Variants in TRPM3 observed in about 807,000 individuals in gnomAD.
The protein encoded by TRPM3 is transient receptor potential cation channel subfamily M member 3.
In TRPM3, 77 loss-of-function variants were observed where a neutral mutation model predicts 181.2. The ratio of observed to expected loss-of-function variants is 0.42; its 90% CI spans 0.35 to 0.51. The LOEUF is 0.51. Among genes scored for constraint, TRPM3 ranks in the 20% least tolerant of loss-of-function variants. The probability of loss-of-function intolerance (pLI) is 0.01; values close to 1 mark genes in which losing one functional copy is unlikely to be tolerated. For missense variants in TRPM3, 1,759 were observed against 2,196.7 expected (o/e 0.80, Z 3.98); for synonymous variants, 745 against 796.4 (o/e 0.94, Z 1.09).
intron 9 of TRPM3, among the ~76,000 whole-genome samples, chr9:70,676,106 C>T (rs566009701): frequency 2.6e-5 from 4 of 152,288 alleles, no homozygotes; most frequent in Admixed American, 6.5e-5. Flanking sequence ...ATTGTTTTGG[C>T]ACTCTCTTTT....
intron 5 of TRPM3, among the ~76,000 whole-genome samples, chr9:70,829,077 T>C (rs1386068028): frequency 6.6e-6 from 1 of 152,198 alleles, no homozygotes; most frequent in East Asian, 1.9e-4. Context: ...AGTACAGCTA[T>C]CACTGTATTG....
In TRPM3 at chr9:70,650,253, C is replaced by G. The variant is rs141164658; in HGVS notation, c.1346-9593G>C. On this transcript the variant is annotated intron_variant, in intron 9 of 25. Coordinates refer to ENST00000677713, the MANE Select transcript of TRPM3 (RefSeq NM_001366145.2). ...TGATGAAATGATTTGTACACAAAAC[C>G]ACAGGGGCATGCAATTTGCCCATGT... Among the ~76,000 whole-genome samples, 6 of 152,182 alleles carry G rather than the reference C, an allele frequency of 3.9e-5. No individual in the cohort carries two copies. In the East Asian group the frequency reaches 1.2e-3, roughly 29 times the overall value.
At chr9:70,830,787 C>T (rs969163307) in intron 5 of TRPM3, among the ~76,000 whole-genome samples, 1 of 152,168 alleles carries the variant, frequency 6.6e-6, no homozygotes, top group African/African-American at 2.4e-5. Flanking sequence ...CCACTTACCT[C>T]TTGGGGATTA....
At chr9:70,918,797 A>G (rs1236380777) in intron 1 of TRPM3, among the ~76,000 whole-genome samples, 2 of 152,210 alleles carry the variant, frequency 1.3e-5, no homozygotes, top group South Asian at 2.1e-4. Flanking sequence ...CTTGAAACGA[A>G]CAATACAAAA....
chr9:70,970,478 G>A (rs1255937220), intron 1 of TRPM3, among the ~76,000 whole-genome samples: 1 of 152,068 alleles, frequency 6.6e-6, no homozygotes, highest in African/African-American at 2.4e-5. Flanking sequence ...GGACAGACTT[G>A]GTACAGCGAT....
chr9:70,883,151 C>T (rs1392159521), intron 1 of TRPM3, among the ~76,000 whole-genome samples: 1 of 152,124 alleles, frequency 6.6e-6, no homozygotes, highest in Non-Finnish European at 1.5e-5. Context: ...CCACACGTGG[C>T]CATTTTTACA....
At chr9:71,298,641 T>G (rs2086505724) in intron 1 of TRPM3, among the ~76,000 whole-genome samples, 1 of 152,094 alleles carries the variant, frequency 6.6e-6, no homozygotes, top group South Asian at 2.1e-4. Context: ...TCCAAACAGA[T>G]GCCCCATCAC....
intron 1 of TRPM3, among the ~76,000 whole-genome samples, chr9:71,171,848 A>G (rs1435346284): frequency 6.6e-6 from 1 of 151,956 alleles, no homozygotes; most frequent in Admixed American, 6.6e-5. Context: ...GATTGGCACC[A>G]CATAAGGCTT....
chr9:71,308,923 A>G (rs1422939660), intron 1 of TRPM3, among the ~76,000 whole-genome samples: 2 of 152,128 alleles, frequency 1.3e-5, no homozygotes, highest in Non-Finnish European at 1.5e-5. Flanking sequence ...TCTGTCATCA[A>G]AAGACATGAC....
At chr9:71,279,844 G>A (rs1044913872) in intron 1 of TRPM3, among the ~76,000 whole-genome samples, 5 of 152,110 alleles carry the variant, frequency 3.3e-5, no homozygotes, top group Admixed American at 1.3e-4. Flanking sequence ...TTGGGAGGCC[G>A]AGGCAGGCGG....
intron 22 of TRPM3, among the ~76,000 whole-genome samples, chr9:70,553,952 G>A (rs900773351): frequency 2.7e-4 from 41 of 152,150 alleles, no homozygotes; most frequent in African/African-American, 3.4e-4. Context: ...GTGATCGGCC[G>A]TGATCATGGA....
chr9:70,838,578 C>G (rs188716747), intron 5 of TRPM3, among the ~76,000 whole-genome samples: 56 of 152,194 alleles, frequency 3.7e-4, no homozygotes, highest in African/African-American at 1.3e-3. Flanking sequence ...ACATTACAAT[C>G]AGGGATATGA....
intron 12 of TRPM3, among the ~76,000 whole-genome samples, chr9:70,631,224 A>G (rs933636834): frequency 1.5e-4 from 23 of 152,216 alleles, no homozygotes; most frequent in Non-Finnish European, 2.9e-4. Context: ...CATCACCCCA[A>G]TGTACAGCCC....
intron 1 of TRPM3, among the ~76,000 whole-genome samples, chr9:70,954,035 T>C (rs1254662816): frequency 2.0e-5 from 3 of 152,058 alleles, no homozygotes; most frequent in African/African-American, 7.2e-5. Context: ...CCTCCAAAAA[T>C]ACAGAGAGAA....
intron 1 of TRPM3, among the ~76,000 whole-genome samples, chr9:71,300,158 A>G (rs75428100): frequency 0.011 from 1,677 of 152,294 alleles, 25 homozygotes; most frequent in East Asian, 0.076. Flanking sequence ...ATGGTGAAAT[A>G]GTATTAATCA....
intron 17 of TRPM3, among the ~76,000 whole-genome samples, chr9:70,617,308 T>A (rs1332821961): frequency 6.6e-5 from 10 of 152,002 alleles, no homozygotes; most frequent in Non-Finnish European, 1.5e-5. Context: ...ATGACCCACA[T>A]CACAGAACCT....
chr9:71,266,109 G>A (rs971672770), intron 1 of TRPM3, among the ~76,000 whole-genome samples: 1 of 152,170 alleles, frequency 6.6e-6, no homozygotes, highest in Non-Finnish European at 1.5e-5. Context: ...GCCAAAACCA[G>A]AATCCTAAGA....
chr9:71,109,990 T>C (rs1169401352), intron 1 of TRPM3, among the ~76,000 whole-genome samples: 1 of 152,204 alleles, frequency 6.6e-6, no homozygotes, highest in Non-Finnish European at 1.5e-5. Context: ...CATTTCAATA[T>C]ATATATTTTT....
chr9:71,271,238 T>C (rs768712254), intron 1 of TRPM3, among the ~76,000 whole-genome samples: 44 of 152,224 alleles, frequency 2.9e-4, no homozygotes, highest in Admixed American at 5.9e-4. Context: ...TTTTATTTTC[T>C]TTCTCACACT....
Sources: gnomAD v4.1 joint callset for allele counts (sites outside exome capture counted in the v4.1 genomes callset) on GRCh38, gnomAD v4.1.1 for gene constraint, MANE v1.5 for transcripts, NCBI Gene and HGNC (gene_info 2026-07-23, HGNC 2026-07-21) for gene names.